COL4A2: variants seen among roughly 807,000 people sequenced by gnomAD.
COL4A2 encodes collagen type IV alpha 2 chain, also known as collagen alpha-2(IV) chain.
COL4A2 carries 99 observed loss-of-function variants against 200.2 expected under a neutral mutation model. The observed-to-expected ratio is 0.49, with a 90% CI of 0.42 to 0.58. COL4A2 has a LOEUF of 0.58. COL4A2 is among the 20% of genes least tolerant of loss of function. The pLI is 0.00. For missense variants in COL4A2, 1,950 were observed against 2,314.1 expected (o/e 0.84, Z 3.23); for synonymous variants, 897 against 900.6 (o/e 1.00, Z 0.07).
Position 110,503,195 on chromosome 13 carries a change from G to C in COL4A2, c.3952G>C (p.Ala1318Pro), listed in dbSNP as rs771039553. ...GSKGDTGNPG[A>P]PGTPGTKGWA... is the part of the protein sequence containing the mutation. ...CAAAGGTGACACAGGGAACCCAGGAGCTCCAGGAACCCCAGGGACCAAAGG... is the reference window on the plus strand; with the variant it reads ...CAAAGGTGACACAGGGAACCCAGGACCTCCAGGAACCCCAGGGACCAAAGG... The change falls in exon 42 of 48, where the codon GCT (alanine) becomes CCT (proline). Residue 1318 changes from alanine (A) to proline (P), a missense_variant. Ala to Pro is a conservative substitution (Grantham distance 27). Coordinates refer to ENST00000360467, the MANE Select transcript of COL4A2 (RefSeq NM_001846.4). The C allele has an allele frequency of 1.2e-6, 2 of 1,613,928 alleles. No individual in the cohort carries two copies. Among genetic ancestry groups the C allele is most frequent in the Admixed American group, 3.3e-5 (2 of 59,998 alleles).
chr13:110,340,024 G>T (rs983686860), intron 3 of COL4A2, among the ~76,000 whole-genome samples: 1 of 152,234 alleles, frequency 6.6e-6, no homozygotes, highest in Non-Finnish European at 1.5e-5. Flanking sequence ...CTTGAGGGTG[G>T]GTGACAGGTA....
chr13:110,398,628 G>C (rs1450197185), intron 4 of COL4A2, among the ~76,000 whole-genome samples: 1 of 152,196 alleles, frequency 6.6e-6, no homozygotes, highest in Non-Finnish European at 1.5e-5. Context: ...AGGAGGTGGA[G>C]GTTGCAGTGA....
At chr13:110,358,373 G>A (rs1345828145) in intron 4 of COL4A2, among the ~76,000 whole-genome samples, 1 of 152,100 alleles carries the variant, frequency 6.6e-6, no homozygotes, top group African/African-American at 2.4e-5. Context: ...CATCCCCTCT[G>A]GGAACAATGC....
At position 110,307,733 on chromosome 13, in the gene COL4A2, C is replaced by T; in HGVS notation, c.-44-127C>T. 1 of 864,998 alleles carries T rather than the reference C, an allele frequency of 1.2e-6. No individual in the cohort carries two copies. The highest frequency in any genetic ancestry group is 1.7e-6 in the Non-Finnish European group (1 of 577,172). The allele number at this position is 864,998 out of a possible 1,614,324, so 53.6% of individuals were successfully genotyped here. A position where few individuals can be genotyped will look rare whatever the true frequency, so the allele number is the denominator to read the frequency against. On this transcript the variant is annotated intron_variant, in intron 1 of 47. Transcript: ENST00000360467. This position sits in a 1 kb window ranked among gnomAD's most constrained non-coding sequence, Gnocchi z 5.0. ...TCTTTCCGGGTCGTGGGGGGGACGGCCCTCCGGTCACCCCTGCATGCGGGC... is the reference window on the plus strand; with the variant it reads ...TCTTTCCGGGTCGTGGGGGGGACGGTCCTCCGGTCACCCCTGCATGCGGGC...
At chr13:110,489,081 C>T (rs1883199834) in intron 34 of COL4A2, among the ~76,000 whole-genome samples, 2 of 151,988 alleles carry the variant, frequency 1.3e-5, no homozygotes, top group Non-Finnish European at 2.9e-5. Flanking sequence ...AATTTAAAAA[C>T]TATTAGCAGC....
intron 3 of COL4A2, among the ~76,000 whole-genome samples, chr13:110,312,668 T>C (rs2139341155): frequency 6.6e-6 from 1 of 152,366 alleles, no homozygotes; most frequent in South Asian, 2.1e-4. Context: ...ACTGGCCTCA[T>C]GCTTTGTGTC....
intron 4 of COL4A2, among the ~76,000 whole-genome samples, chr13:110,404,498 G>A (rs1008979682): frequency 6.6e-6 from 1 of 152,214 alleles, no homozygotes; most frequent in Non-Finnish European, 1.5e-5. Context: ...CCCCAGCTAA[G>A]ACACAAGGCA....
intron 3 of COL4A2, among the ~76,000 whole-genome samples, chr13:110,342,381 T>C (rs1322423911): frequency 6.6e-6 from 1 of 152,202 alleles, no homozygotes; most frequent in East Asian, 1.9e-4. Context: ...AGCATGCAAG[T>C]GTCTCCATAA....
chr13:110,345,919 G>A (rs759251260), intron 3 of COL4A2, among the ~76,000 whole-genome samples: 11 of 152,188 alleles, frequency 7.2e-5, no homozygotes, highest in South Asian at 2.1e-4. Flanking sequence ...GCTGGGGTGC[G>A]TGTTAGTTCT....
intron 3 of COL4A2, among the ~76,000 whole-genome samples, chr13:110,343,243 A>C (rs113972806): frequency 2.6e-5 from 4 of 152,272 alleles, no homozygotes; most frequent in African/African-American, 9.6e-5. Context: ...ATATCCAGGT[A>C]GATAATCCAC....
intron 29 of COL4A2, chr13:110,473,355 C>G: frequency 1.9e-6 from 1 of 530,916 alleles, no homozygotes; most frequent in Admixed American, 3.7e-5. Flanking sequence ...CCAGTGCGAT[C>G]TGGCCATCTG....
chr13:110,504,193 G>A lies in COL4A2; in HGVS notation c.4331G>A (p.Gly1444Asp). 1.2e-6 allele frequency: 2 copies of A among 1,614,180 alleles called. No individual in the cohort carries two copies. The highest frequency in any genetic ancestry group is 1.7e-6 in the Non-Finnish European group (2 of 1,180,034). The change falls in exon 45 of 48, where the codon GGT (glycine) becomes GAT (aspartate). Residue 1444 changes from glycine (G) to aspartate (D), a missense_variant. By Grantham distance (94) the Gly-to-Asp change is moderately conservative. Coordinates refer to ENST00000360467, the MANE Select transcript of COL4A2 (RefSeq NM_001846.4). ...PGKAGPQGRG[G>D]VSAVPGFRGD... Reference sequence around the variant, plus strand: ...AAAGCTGGGCCCCAAGGAAGAGGTGGTGTGTCTGCTGTTCCCGGCTTCCGG... The same window carrying A: ...AAAGCTGGGCCCCAAGGAAGAGGTGATGTGTCTGCTGTTCCCGGCTTCCGG...
intron 3 of COL4A2, among the ~76,000 whole-genome samples, chr13:110,341,199 G>A (rs376500576): frequency 2.6e-5 from 4 of 152,188 alleles, no homozygotes; most frequent in East Asian, 1.9e-4. Context: ...ACATCCAAGC[G>A]CGTGGCGTCA....
At chr13:110,330,979 A>G (rs1412120155) in intron 3 of COL4A2, among the ~76,000 whole-genome samples, 1 of 152,030 alleles carries the variant, frequency 6.6e-6, no homozygotes, top group African/African-American at 2.4e-5. Context: ...CCGTGCCATC[A>G]CTACTCATGA....
At chr13:110,473,362 T>C (rs561628325) in intron 29 of COL4A2, 190 of 527,214 alleles carry the variant, frequency 3.6e-4, no homozygotes, top group Non-Finnish European at 5.8e-4. Context: ...GATCTGGCCA[T>C]CTGAGAACTT....
At chr13:110,486,934 A>T (rs867648940) in intron 34 of COL4A2, among the ~76,000 whole-genome samples, 15 of 152,342 alleles carry the variant, frequency 9.8e-5, no homozygotes, top group African/African-American at 3.1e-4. Context: ...GAAACCGGCC[A>T]TCTGGATGTG....
At chr13:110,461,948 G>A in intron 22 of COL4A2, 166 bp from the exon 23 acceptor site, 1 of 976,234 alleles carries the variant, frequency 1.0e-6, no homozygotes, top group Non-Finnish European at 1.5e-6. Flanking sequence ...CTGGACAGCT[G>A]GATGGGGGCG....
chr13:110,501,849 T>A, intron 41 of COL4A2, 65 bp downstream of exon 41: 1 of 1,464,674 alleles, frequency 6.8e-7, no homozygotes, highest in African/African-American at 1.4e-5. Flanking sequence ...ATGGCCCGCT[T>A]AATGTAGGGG....
chr13:110,325,735 A>G lies in COL4A2; in HGVS notation c.99+17612A>G, dbSNP rs1011075701. Among the ~76,000 whole-genome samples, 12 of 151,938 alleles carry G rather than the reference A, an allele frequency of 7.9e-5. No homozygotes were observed. The South Asian group carries it at 2.5e-3, about 32-fold the overall frequency. Reference sequence around the variant, plus strand: ...CTACACTTTGCTTTGTGCATTGTCAAGGAGGAGAAACAGGCACTTCCTGCC... The same window carrying G: ...CTACACTTTGCTTTGTGCATTGTCAGGGAGGAGAAACAGGCACTTCCTGCC... On this transcript the variant is annotated intron_variant, in intron 3 of 47. Coordinates refer to ENST00000360467, the MANE Select transcript of COL4A2 (RefSeq NM_001846.4).
Sources: gnomAD v4.1 joint callset for allele counts (sites outside exome capture counted in the v4.1 genomes callset) on GRCh38, gnomAD v4.1.1 for gene constraint, Gnocchi (gnomAD v3.1) non-coding constraint, MANE v1.5 for transcripts, NCBI Gene and HGNC (gene_info 2026-07-23, HGNC 2026-07-21) for gene names.